Variants in CACNA2D3 observed in about 807,000 individuals in gnomAD.
CACNA2D3 encodes the protein voltage-dependent calcium channel subunit alpha-2/delta-3.
CACNA2D3 carries 60 observed loss-of-function variants against 160.6 expected under a neutral mutation model. That is an observed-to-expected ratio of 0.37 (90% CI 0.30 to 0.46). CACNA2D3 has a LOEUF of 0.46. CACNA2D3 is among the 20% of genes least tolerant of loss of function. CACNA2D3 has a pLI of 1.00. For missense variants in CACNA2D3, 1,205 were observed against 1,365.0 expected, an observed-to-expected ratio of 0.88 and a Z score of 1.85; for synonymous variants, 558 against 492.9, an observed-to-expected ratio of 1.13 and a Z score of -1.75.
chr3:54,777,681 T>C (rs1244319342), intron 13 of CACNA2D3, among the ~76,000 whole-genome samples: 1 of 152,220 alleles, frequency 6.6e-6, no homozygotes, highest in African/African-American at 2.4e-5. Context: ...GTACTCATCC[T>C]ATAGTCTGTT....
At chr3:54,265,654 A>G (rs1702494298) in intron 2 of CACNA2D3, among the ~76,000 whole-genome samples, 1 of 70,226 alleles carries the variant, frequency 1.4e-5, no homozygotes, top group Admixed American at 1.4e-4. Flanking sequence ...GTGTATATAT[A>G]TAGTGTATAT....
At chr3:54,369,718 GTTCA>G (rs1308521847) in intron 3 of CACNA2D3, among the ~76,000 whole-genome samples, 1 of 152,190 alleles carries the variant, frequency 6.6e-6, no homozygotes, top group Non-Finnish European at 1.5e-5. Flanking sequence ...GCATCTGAAA[GTTCA>G]TTCAGATTCT....
At chr3:54,478,029 C>A (rs1700860774) in intron 4 of CACNA2D3, among the ~76,000 whole-genome samples, 1 of 152,104 alleles carries the variant, frequency 6.6e-6, no homozygotes, top group African/African-American at 2.4e-5. Context: ...TGCTTATCTC[C>A]ATTTTTAACC....
intron 5 of CACNA2D3, among the ~76,000 whole-genome samples, chr3:54,504,612 A>G (rs979893188): frequency 1.3e-5 from 2 of 152,222 alleles, no homozygotes; most frequent in African/African-American, 4.8e-5. Context: ...TCCTAGAAAA[A>G]TAAGCCAGAA....
chr3:54,514,724 C>T (rs1701516208), intron 5 of CACNA2D3, among the ~76,000 whole-genome samples: 1 of 152,084 alleles, frequency 6.6e-6, no homozygotes, highest in African/African-American at 2.4e-5. Context: ...GACACTTAGG[C>T]CCGCTGCCAT....
Position 55,074,236 on chromosome 3 carries a change from A to G in CACNA2D3, c.*30A>G, listed in dbSNP as rs1422339407. The G allele has an allele frequency of 6.5e-7, 1 of 1,542,500 alleles. No homozygotes were observed. The highest frequency in any genetic ancestry group is 9.0e-7 in the Non-Finnish European group (1 of 1,114,660). On this transcript the variant is annotated 3_prime_UTR_variant, in exon 38 of 38. Coordinates refer to ENST00000474759, the MANE Select transcript of CACNA2D3 (RefSeq NM_018398.3). ...GACTGAGATGTTCTCTTACTGACTG[A>G]GATGTTCTCTTGGCATGCTAAATCA...
chr3:54,918,555 C>T (rs746522285), intron 27 of CACNA2D3: 29 of 1,613,876 alleles, frequency 1.8e-5, no homozygotes, highest in African/African-American at 2.7e-5. Flanking sequence ...CTGTGATTGC[C>T]GCATAGGTGC....
intron 10 of CACNA2D3, among the ~76,000 whole-genome samples, chr3:54,631,477 G>C (rs1405324793): frequency 1.3e-5 from 2 of 151,948 alleles, no homozygotes; most frequent in South Asian, 2.1e-4. Flanking sequence ...TTATCTTCCT[G>C]TGTATTATGC....
intron 23 of CACNA2D3, 78 bp from the exon 24 acceptor site, chr3:54,887,881 C>A: frequency 9.5e-7 from 1 of 1,056,844 alleles, no homozygotes; most frequent in Non-Finnish European, 1.5e-6. Flanking sequence ...GCAGATGCTG[C>A]ACAATGAGCC....
chr3:54,687,147 T>TTTTG (rs1700478374), intron 11 of CACNA2D3, among the ~76,000 whole-genome samples: 1 of 79,412 alleles, frequency 1.3e-5, no homozygotes, highest in Non-Finnish European at 2.8e-5. Flanking sequence ...TTTTTTTTTT[T>TTTTG]TTTGTTTTTT....
At chr3:54,814,786 A>G (rs765337175) in intron 13 of CACNA2D3, among the ~76,000 whole-genome samples, 3 of 152,172 alleles carry the variant, frequency 2.0e-5, no homozygotes, top group Non-Finnish European at 2.9e-5. Context: ...AGTCAAAAAG[A>G]GGTGTTTCCT....
At chr3:55,031,440 C>T (rs1703687005) in intron 35 of CACNA2D3, among the ~76,000 whole-genome samples, 1 of 152,134 alleles carries the variant, frequency 6.6e-6, no homozygotes, top group Admixed American at 6.6e-5. Flanking sequence ...CTCAAAGGAT[C>T]AAAGCAGAAA....
chr3:54,663,675 T>C (rs1447411734), intron 11 of CACNA2D3, among the ~76,000 whole-genome samples: 1 of 152,202 alleles, frequency 6.6e-6, no homozygotes, highest in Non-Finnish European at 1.5e-5. Flanking sequence ...CAAAATGTGG[T>C]CACTGCCTGA....
chr3:54,758,097 C>A (rs149152548), intron 12 of CACNA2D3, among the ~76,000 whole-genome samples: 3 of 152,300 alleles, frequency 2.0e-5, no homozygotes, highest in Non-Finnish European at 4.4e-5. Flanking sequence ...GGCACTGCTT[C>A]AGCTTGCACA....
At chr3:55,061,804 T>G (rs13319129) in intron 35 of CACNA2D3, among the ~76,000 whole-genome samples, 4,026 of 152,284 alleles carry the variant, frequency 0.026, 192 homozygotes, top group African/African-American at 0.091. Flanking sequence ...GGGAAGGAAT[T>G]GTACCAATCC....
chr3:54,521,886 A>G (rs1380783477), intron 5 of CACNA2D3, among the ~76,000 whole-genome samples: 1 of 152,166 alleles, frequency 6.6e-6, no homozygotes, highest in Non-Finnish European at 1.5e-5. Flanking sequence ...ACACAGCTTT[A>G]TTTCTGGACT....
At chr3:54,704,889 C>G (rs1700830360) in intron 11 of CACNA2D3, among the ~76,000 whole-genome samples, 1 of 152,060 alleles carries the variant, frequency 6.6e-6, no homozygotes, top group Non-Finnish European at 1.5e-5. Context: ...TCTCTACCCC[C>G]CACCCCCATT....
chr3:54,860,999 G>T (rs921641254), intron 17 of CACNA2D3, among the ~76,000 whole-genome samples: 1 of 152,120 alleles, frequency 6.6e-6, no homozygotes, highest in African/African-American at 2.4e-5. Flanking sequence ...CATTCCCTCG[G>T]TCCACTCATT....
chr3:54,726,018 C>T (rs571939166), intron 11 of CACNA2D3, among the ~76,000 whole-genome samples: 2 of 152,074 alleles, frequency 1.3e-5, no homozygotes, highest in East Asian at 1.9e-4. Context: ...AAAACCACAT[C>T]GTCTCAGTGG....
Sources: gnomAD v4.1 joint callset for allele counts (sites outside exome capture counted in the v4.1 genomes callset) on GRCh38, gnomAD v4.1.1 for gene constraint, MANE v1.5 for transcripts, NCBI Gene and HGNC (gene_info 2026-07-23, HGNC 2026-07-21) for gene names.